FAM124B: variants seen among roughly 807,000 people sequenced by gnomAD.
FAM124B encodes protein FAM124B.
In FAM124B, 18 loss-of-function variants were observed where a neutral mutation model predicts 19.7. The observed-to-expected ratio is 0.92, with a 90% CI of 0.63 to 1.36. The LOEUF (loss-of-function observed/expected upper bound fraction) is 1.36, where lower values mean the gene tolerates loss of function less well. Ranked by LOEUF, FAM124B falls within the 40% of genes most tolerant of loss-of-function variation. FAM124B has a pLI of 0.00. For synonymous variants in FAM124B, 223 were observed against 225.2 expected (o/e 0.99, Z 0.09); for missense variants, 540 against 553.3 (o/e 0.98, Z 0.24).
In FAM124B at chr2:224,379,283, G is replaced by T. The variant is rs1331890220; in HGVS notation, c.*290C>A. The T allele has an allele frequency of 6.0e-6, 2 of 333,622 alleles. No homozygotes were observed. The highest frequency in any genetic ancestry group is 2.1e-5 in the African/African-American group (1 of 47,468). The allele number at this position is 333,622 out of a possible 1,614,324, so 20.7% of individuals were successfully genotyped here. ...TGCATACAATGCAATTATCCTGATA[G>T]GTGCTGGATTCAACACATCCAGCTG... On this transcript the variant is annotated 3_prime_UTR_variant, in exon 2 of 2. Coordinates refer to ENST00000409685, the MANE Select transcript of FAM124B (RefSeq NM_001122779.2).
At chr2:224,393,377 G>A (rs1414646873) in intron 1 of FAM124B, among the ~76,000 whole-genome samples, 1 of 152,206 alleles carries the variant, frequency 6.6e-6, no homozygotes, top group Non-Finnish European at 1.5e-5. Flanking sequence ...TTGTACTCTT[G>A]TTCTGTTACT....
rs898812496 is a variant in FAM124B at position 224,378,947 on chromosome 2, A to C, written c.*626T>G. 7.2e-5 allele frequency: 11 copies of C among 152,670 alleles called. No individual in the cohort carries two copies. The highest frequency in any genetic ancestry group is 2.4e-4 in the African/African-American group (10 of 41,470). 9.5% of individuals were successfully genotyped at this position (152,670 alleles called of 1,614,324 possible). A position where few individuals can be genotyped will look rare whatever the true frequency, so the allele number is the denominator to read the frequency against. Reference sequence around the variant, plus strand: ...GAGCAGGAAAGCCCTAGAGCCTAGCATTCATGTTCAACCTGATTTTCTGGC... The same window carrying C: ...GAGCAGGAAAGCCCTAGAGCCTAGCCTTCATGTTCAACCTGATTTTCTGGC... On this transcript the variant is annotated 3_prime_UTR_variant, in exon 2 of 2. Transcript: ENST00000409685.
chr2:224,389,219 A>G (rs1689843861), intron 1 of FAM124B, among the ~76,000 whole-genome samples: 1 of 152,202 alleles, frequency 6.6e-6, no homozygotes, highest in South Asian at 2.1e-4. Context: ...GGCATGAGCC[A>G]CCACAACTGG....
At chr2:224,396,390 A>G (rs932388082) in intron 1 of FAM124B, among the ~76,000 whole-genome samples, 3 of 152,000 alleles carry the variant, frequency 2.0e-5, no homozygotes, top group African/African-American at 7.3e-5. Context: ...GGGCATTGCT[A>G]CTCAGGAAAG....
chr2:224,389,456 G>A (rs1424217315), intron 1 of FAM124B, among the ~76,000 whole-genome samples: 1 of 152,204 alleles, frequency 6.6e-6, no homozygotes, highest in Non-Finnish European at 1.5e-5. Context: ...TTGAAGCAAT[G>A]TGGGCTTAAA....
At chr2:224,382,184 A>G (rs1317216757) in intron 1 of FAM124B, among the ~76,000 whole-genome samples, 1 of 152,184 alleles carries the variant, frequency 6.6e-6, no homozygotes, top group Non-Finnish European at 1.5e-5. Flanking sequence ...TGCCGGCCAT[A>G]TGGTCTTTAT....
At chr2:224,388,790 A>G (rs1689837949) in intron 1 of FAM124B, among the ~76,000 whole-genome samples, 1 of 152,206 alleles carries the variant, frequency 6.6e-6, no homozygotes. Flanking sequence ...AAAAGGTGAA[A>G]ATGGTAAGTT....
chr2:224,385,705 T>C (rs1689792002), intron 1 of FAM124B, among the ~76,000 whole-genome samples: 1 of 152,164 alleles, frequency 6.6e-6, no homozygotes, highest in Admixed American at 6.5e-5. Context: ...ACCAAGTCTG[T>C]TCTGCTTTCT....
rs1254428989 is a variant in FAM124B at position 224,380,004 on chromosome 2, A to C, written c.937T>G (p.Ser313Ala). The change falls in exon 2 of 2, where the codon TCG (serine) becomes GCG (alanine). Residue 313 changes from serine to alanine, a missense_variant. Ser to Ala is a moderately conservative substitution (Grantham distance 99). Coordinates refer to ENST00000409685, the MANE Select transcript of FAM124B (RefSeq NM_001122779.2). Reference sequence around the variant, plus strand: ...AATGACCGGCCAGGGCTTTTCCACGAAGTGCCAGCACACCTGTCTGATGTG... The same window carrying C: ...AATGACCGGCCAGGGCTTTTCCACGCAGTGCCAGCACACCTGTCTGATGTG... Reference protein sequence around the residue: ...SPTSDRCAGTSWKSPGRSFQV... With the variant: ...SPTSDRCAGTAWKSPGRSFQV... 1.3e-6 allele frequency: 2 copies of C among 1,551,738 alleles called. No homozygotes were observed. Among genetic ancestry groups the C allele is most frequent in the Non-Finnish European group, 1.7e-6 (2 of 1,147,012 alleles).
chr2:224,395,900 G>A (rs1356280548), intron 1 of FAM124B, among the ~76,000 whole-genome samples: 1 of 152,166 alleles, frequency 6.6e-6, no homozygotes, highest in Non-Finnish European at 1.5e-5. Flanking sequence ...GTCTCCAGGA[G>A]CTTCTACTTT....
chr2:224,393,921 A>G (rs573567919), intron 1 of FAM124B, among the ~76,000 whole-genome samples: 1 of 152,168 alleles, frequency 6.6e-6, no homozygotes, highest in Admixed American at 6.6e-5. Context: ...GGTGGAGGAC[A>G]CAGGGCCTGC....
At chr2:224,397,382 C>CT (rs1288719271) in intron 1 of FAM124B, among the ~76,000 whole-genome samples, 1 of 152,204 alleles carries the variant, frequency 6.6e-6, no homozygotes, top group Admixed American at 6.5e-5. Context: ...CATTAAACCT[C>CT]TTCTTTTGTA....
At chr2:224,387,465 A>G (rs1559308887) in intron 1 of FAM124B, among the ~76,000 whole-genome samples, 1 of 152,230 alleles carries the variant, frequency 6.6e-6, no homozygotes. Context: ...AAAAAAAATG[A>G]CTGCATGGAA....
chr2:224,379,279 G>A lies in FAM124B; in HGVS notation c.*294C>T. The A allele has an allele frequency of 3.1e-6, 1 of 327,496 alleles. No individual in the cohort carries two copies. Among genetic ancestry groups the A allele is most frequent in the Non-Finnish European group, 5.6e-6 (1 of 177,916 alleles). 20.3% of individuals were successfully genotyped at this position (327,496 alleles called of 1,614,324 possible). On this transcript the variant is annotated 3_prime_UTR_variant, in exon 2 of 2. Coordinates refer to ENST00000409685, the MANE Select transcript of FAM124B (RefSeq NM_001122779.2). ...CATTTGCATACAATGCAATTATCCT[G>A]ATAGGTGCTGGATTCAACACATCCA...
intron 1 of FAM124B, among the ~76,000 whole-genome samples, chr2:224,397,201 TG>T (rs1689986908): frequency 2.0e-5 from 3 of 152,176 alleles, no homozygotes; most frequent in Admixed American, 2.0e-4. Flanking sequence ...TTTCCTGTGC[TG>T]TTCTCGTGAT....
At chr2:224,386,612 G>A (rs1002851047) in intron 1 of FAM124B, among the ~76,000 whole-genome samples, 28 of 152,078 alleles carry the variant, frequency 1.8e-4, no homozygotes, top group Non-Finnish European at 4.1e-4. Flanking sequence ...TGAACTTCTC[G>A]TATCTGAGTA....
At chr2:224,396,918 G>A (rs960267867) in intron 1 of FAM124B, among the ~76,000 whole-genome samples, 1 of 152,148 alleles carries the variant, frequency 6.6e-6, no homozygotes, top group Non-Finnish European at 1.5e-5. Flanking sequence ...TAACAGAGCT[G>A]GGATCTGGAT....
At chr2:224,381,709 A>G (rs1401716721) in intron 1 of FAM124B, among the ~76,000 whole-genome samples, 1 of 152,100 alleles carries the variant, frequency 6.6e-6, no homozygotes, top group African/African-American at 2.4e-5. Flanking sequence ...GTGTCGTTGT[A>G]GGTTGATCAG....
chr2:224,401,011 C>T (rs142663942), intron 1 of FAM124B, 26 bp downstream of exon 1: 2 of 1,562,854 alleles, frequency 1.3e-6, no homozygotes, highest in Non-Finnish European at 1.7e-6. Context: ...TGAGCCTCTA[C>T]AAGATCTGAG....
Sources: gnomAD v4.1 joint callset for allele counts (sites outside exome capture counted in the v4.1 genomes callset) on GRCh38, gnomAD v4.1.1 for gene constraint, MANE v1.5 for transcripts, NCBI Gene and HGNC (gene_info 2026-07-23, HGNC 2026-07-21) for gene names.